The following FAT3 variants were observed in gnomAD, a reference collection of about 807,000 sequenced individuals.
The protein encoded by FAT3 is FAT atypical cadherin 3.
Under a neutral mutation model 310.2 loss-of-function variants are expected in FAT3, and 95 were observed. The ratio of observed to expected loss-of-function variants is 0.31; its 90% confidence interval spans 0.26 to 0.36. The LOEUF (loss-of-function observed/expected upper bound fraction) is 0.36, where lower values mean the gene tolerates loss of function less well. Ranked by LOEUF, FAT3 falls within the 10% of genes least tolerant of loss-of-function variation. FAT3 has a pLI of 1.00. For missense variants in FAT3, 5,408 were observed against 5,715.6 expected (o/e 0.95, Z 1.74); for synonymous variants, 2,314 against 2,192.9 (o/e 1.06, Z -1.54).
At chr11:92,873,337 T>G (rs1404436883) in intron 22 of FAT3, among the ~76,000 whole-genome samples, 1 of 152,206 alleles carries the variant, frequency 6.6e-6, no homozygotes, top group Admixed American at 6.5e-5. Flanking sequence ...TTGGAGTTTG[T>G]AAATGAAATC....
At chr11:92,463,122 T>A (rs887173194) in intron 2 of FAT3, among the ~76,000 whole-genome samples, 11 of 152,212 alleles carry the variant, frequency 7.2e-5, no homozygotes, top group African/African-American at 2.2e-4. Flanking sequence ...GAGAAGTTTA[T>A]TTTGCTTTGC....
chr11:92,434,130 A>G (rs1950871988), intron 2 of FAT3, among the ~76,000 whole-genome samples: 1 of 152,048 alleles, frequency 6.6e-6, no homozygotes. Context: ...TGGCTTAGTT[A>G]ATCCACCATG....
At chr11:92,627,834 T>C (rs1261082066) in intron 3 of FAT3, among the ~76,000 whole-genome samples, 3 of 152,134 alleles carry the variant, frequency 2.0e-5, no homozygotes, top group Non-Finnish European at 4.4e-5. Context: ...AAGGATGAGT[T>C]GACATTAATC....
chr11:92,896,027 T>G lies in FAT3; in HGVS notation c.*4914T>G, dbSNP rs1351881107. The G allele has an allele frequency of 6.6e-6, 1 of 152,148 alleles. No homozygotes were observed. Among genetic ancestry groups the G allele is most frequent in the East Asian group, 1.9e-4 (1 of 5,196 alleles). 9.4% of individuals were successfully genotyped at this position (152,148 alleles called of 1,614,324 possible). On this transcript the variant is annotated 3_prime_UTR_variant, in exon 28 of 28. Transcript: ENST00000525166. Reference sequence around the variant, plus strand: ...TGGTTCTTACTGTTTTCATTTAACTTTCTCTGTTTTCAAGAAAAATTGTCT... The same window carrying G: ...TGGTTCTTACTGTTTTCATTTAACTGTCTCTGTTTTCAAGAAAAATTGTCT...
intron 22 of FAT3, among the ~76,000 whole-genome samples, chr11:92,868,826 A>AT (rs1444163816): frequency 6.6e-6 from 1 of 152,212 alleles, no homozygotes; most frequent in African/African-American, 2.4e-5. Context: ...TAAGCTAAGT[A>AT]TTCAGTGGAA....
chr11:92,371,869 A>G (rs1410601951), intron 2 of FAT3, among the ~76,000 whole-genome samples: 5 of 152,222 alleles, frequency 3.3e-5, no homozygotes, highest in Non-Finnish European at 7.3e-5. Context: ...CTAAAGGAAA[A>G]GTTACAGTAC....
At chr11:92,438,962 A>G (rs922750838) in intron 2 of FAT3, among the ~76,000 whole-genome samples, 4 of 152,190 alleles carry the variant, frequency 2.6e-5, no homozygotes, top group African/African-American at 7.2e-5. Context: ...TGTTTACACA[A>G]TCATTCCATC....
chr11:92,672,048 G>A (rs1327213017), intron 3 of FAT3, among the ~76,000 whole-genome samples: 3 of 152,190 alleles, frequency 2.0e-5, no homozygotes, highest in Non-Finnish European at 2.9e-5. Flanking sequence ...GAACCTGGGA[G>A]GCGGAGGTTG....
At chr11:92,842,422 A>G (rs1237139694) in intron 18 of FAT3, among the ~76,000 whole-genome samples, 1 of 152,214 alleles carries the variant, frequency 6.6e-6, no homozygotes, top group East Asian at 1.9e-4. Context: ...TCTGGCCTAT[A>G]AAGTCTAAAC....
At chr11:92,646,124 G>T (rs1057449258) in intron 3 of FAT3, among the ~76,000 whole-genome samples, 1 of 152,160 alleles carries the variant, frequency 6.6e-6, no homozygotes, top group East Asian at 1.9e-4. Context: ...AATTGGATGA[G>T]AATTCTTTAG....
chr11:92,576,443 T>G (rs1446796397), intron 3 of FAT3, among the ~76,000 whole-genome samples: 1 of 152,178 alleles, frequency 6.6e-6, no homozygotes, highest in African/African-American at 2.4e-5. Context: ...TTAATGTTTC[T>G]GTGTTACGGA....
intron 1 of FAT3, among the ~76,000 whole-genome samples, chr11:92,344,090 C>A (rs1037728742): frequency 6.6e-6 from 1 of 152,122 alleles, no homozygotes; most frequent in African/African-American, 2.4e-5. Context: ...CAAGTATTTA[C>A]TGAATTCTGA....
At position 92,807,460 on chromosome 11, in the gene FAT3, C is replaced by T. The variant is rs148743417; in HGVS notation, c.9247+945C>T. On this transcript the variant is annotated intron_variant, in intron 12 of 27. Transcript: ENST00000525166. ...ATTTTCTTTGTAAAACTTGCCCAGA[C>T]TTTACCTACATTTATTAGCATCAAG... 3.3e-3 allele frequency among the ~76,000 whole-genome samples: 503 copies of T among 152,270 alleles called. 4 individuals are homozygous for T. The highest frequency in any genetic ancestry group is 5.9e-3 in the Non-Finnish European group (403 of 68,002).
chr11:92,442,295 A>G (rs1951094088), intron 2 of FAT3, among the ~76,000 whole-genome samples: 1 of 148,566 alleles, frequency 6.7e-6, no homozygotes, highest in South Asian at 2.1e-4. Flanking sequence ...TTGTATTTTT[A>G]GTAGAGACGG....
intron 7 of FAT3, among the ~76,000 whole-genome samples, chr11:92,781,382 C>T (rs988591267): frequency 6.6e-6 from 1 of 151,780 alleles, no homozygotes; most frequent in African/African-American, 2.4e-5. Context: ...CATTCTTAAG[C>T]TTATTTTCCC....
At chr11:92,648,216 C>A (rs544015659) in intron 3 of FAT3, among the ~76,000 whole-genome samples, 173 of 152,122 alleles carry the variant, frequency 1.1e-3, no homozygotes, top group African/African-American at 3.9e-3. Flanking sequence ...AATTGCATTG[C>A]CATGTTTTAG....
rs1240418575 is a variant in FAT3, at chr11:92,454,236, TTTGGGATGATG to T, written c.3293-70397_3293-70387del. ...AGCCACACATGACTAATGGCTACCATTTGGGATGATGCAGGTCCAGAGTAAGCTGCAATGCA... is the reference window on the plus strand; with the variant it reads ...AGCCACACATGACTAATGGCTACCATCAGGTCCAGAGTAAGCTGCAATGCA... On this transcript the variant is annotated intron_variant, in intron 2 of 27. Transcript: ENST00000525166. Among the ~76,000 whole-genome samples, 84 of 152,288 alleles carry T rather than the reference TTTGGGATGATG, an allele frequency of 5.5e-4. 2 individuals are homozygous for T. In the East Asian group the frequency reaches 0.014, roughly 26 times the overall value.
chr11:92,240,459 T>C (rs2134250511), intron 1 of FAT3, among the ~76,000 whole-genome samples: 1 of 151,918 alleles, frequency 6.6e-6, no homozygotes, highest in Middle Eastern at 3.4e-3. Flanking sequence ...TTTAATCCAG[T>C]GTATTTAAAA....
At chr11:92,759,287 G>A (rs1343907536) in intron 4 of FAT3, among the ~76,000 whole-genome samples, 2 of 152,212 alleles carry the variant, frequency 1.3e-5, no homozygotes, top group South Asian at 4.1e-4. Flanking sequence ...GTGTTCTGTG[G>A]CTTGACACAG....
Sources: gnomAD v4.1 joint callset for allele counts (sites outside exome capture counted in the v4.1 genomes callset) on GRCh38, gnomAD v4.1.1 for gene constraint, MANE v1.5 for transcripts, NCBI Gene and HGNC (gene_info 2026-07-23, HGNC 2026-07-21) for gene names.